Variants in ALPK2 observed in about 807,000 individuals in gnomAD.
ALPK2 encodes alpha-protein kinase 2.
A neutral mutation model predicts 163.1 loss-of-function variants in ALPK2; 127 were observed. The ratio of observed to expected loss-of-function variants is 0.78; its 90% CI spans 0.67 to 0.90. ALPK2 has a LOEUF of 0.90. Among genes scored for constraint, ALPK2 ranks in the 40% least tolerant of loss-of-function variants. The probability of loss-of-function intolerance (pLI) is 0.00; values close to 1 mark genes in which losing one functional copy is unlikely to be tolerated. For missense variants in ALPK2, 2,360 were observed against 2,589.6 expected, an observed-to-expected ratio of 0.91 and a Z score of 1.92; for synonymous variants, 953 against 959.1, an observed-to-expected ratio of 0.99 and a Z score of 0.12.
chr18:58,601,174 T>C (rs2052067564), intron 3 of ALPK2, among the ~76,000 whole-genome samples: 1 of 151,996 alleles, frequency 6.6e-6, no homozygotes, highest in Non-Finnish European at 1.5e-5. Flanking sequence ...GAAAATTGCT[T>C]GAACCTGGGA....
intron 4 of ALPK2, among the ~76,000 whole-genome samples, chr18:58,547,339 T>C (rs191688200): frequency 6.6e-6 from 1 of 152,292 alleles, no homozygotes; most frequent in East Asian, 1.9e-4. Context: ...CGATTGAAGA[T>C]TGAGCCAGTG....
chr18:58,584,533 G>A (rs1045067931), intron 3 of ALPK2, among the ~76,000 whole-genome samples: 10 of 152,242 alleles, frequency 6.6e-5, no homozygotes, highest in Admixed American at 1.3e-4. Flanking sequence ...GAAAGGAAAC[G>A]ACACAGTGTA....
At chr18:58,547,777 C>T (rs1050707215) in intron 4 of ALPK2, among the ~76,000 whole-genome samples, 5 of 152,200 alleles carry the variant, frequency 3.3e-5, no homozygotes, top group African/African-American at 9.7e-5. Flanking sequence ...GTTAAGGGCT[C>T]GTTGAGCCTC....
At position 58,537,961 on chromosome 18, in the gene ALPK2, G is replaced by T. The variant is rs1363290395; in HGVS notation, c.2226C>A (p.Ser742Arg). 3 of 1,614,106 alleles carry T rather than the reference G, an allele frequency of 1.9e-6. No homozygotes were observed. Among genetic ancestry groups the T allele is most frequent in the African/African-American group, 2.7e-5 (2 of 74,936 alleles). The change falls in exon 5 of 13, where the codon AGC becomes AGA. Residue 742 changes from serine to arginine, a missense_variant. Transcript: ENST00000361673. ...TAGTCTCATCATTGGCTTCTGAGAT[G>T]CTCTGCTCATATTTTAGGTCTTCCC... ...NFREDLKYEQ[S>R]ISEANDETMS...
At chr18:58,512,372 TGAG>T (rs1387992190) in intron 10 of ALPK2, 1 of 152,222 alleles carries the variant, frequency 6.6e-6, no homozygotes, top group African/African-American at 2.4e-5. Context: ...GCTGCCCAAA[TGAG>T]GAGTGTTTTA....
chr18:58,611,429 G>A (rs1238133860), intron 2 of ALPK2, among the ~76,000 whole-genome samples: 1 of 152,108 alleles, frequency 6.6e-6, no homozygotes, highest in African/African-American at 2.4e-5. Flanking sequence ...TGGATTATCT[G>A]AAAAAAATAA....
intron 12 of ALPK2, among the ~76,000 whole-genome samples, chr18:58,487,009 AG>A (rs2051342385): frequency 6.6e-6 from 1 of 152,242 alleles, no homozygotes. Flanking sequence ...CTGGAGCTGT[AG>A]GCCATCTCTC....
rs181934513 is a variant in ALPK2 at position 58,543,072 on chromosome 18, G to A, written c.1963-4848C>T. Among the ~76,000 whole-genome samples, 49 of 152,240 alleles carry A rather than the reference G, an allele frequency of 3.2e-4. No individual in the cohort carries two copies. In the East Asian group the frequency reaches 5.2e-3, roughly 16 times the overall value. ...AATTAATGGGCTGAAGGATTGATAC[G>A]TTATCAAGGGAGGGGACCTGGAGGC... On this transcript the variant is annotated intron_variant, in intron 4 of 12. Coordinates refer to ENST00000361673, the MANE Select transcript of ALPK2 (RefSeq NM_052947.4).
At chr18:58,611,161 C>T (rs1474318712) in intron 2 of ALPK2, among the ~76,000 whole-genome samples, 1 of 150,432 alleles carries the variant, frequency 6.6e-6, no homozygotes, top group Non-Finnish European at 1.5e-5. Flanking sequence ...GCCTCTATTC[C>T]CAGCTACTCG....
intron 4 of ALPK2, among the ~76,000 whole-genome samples, chr18:58,538,739 T>C (rs2051672190): frequency 6.6e-6 from 1 of 152,194 alleles, no homozygotes; most frequent in South Asian, 2.1e-4. Flanking sequence ...TGAAATTTGA[T>C]CCTCAGGGTT....
At chr18:58,520,891 C>A (rs963399531) in intron 8 of ALPK2, among the ~76,000 whole-genome samples, 16 of 152,122 alleles carry the variant, frequency 1.1e-4, no homozygotes, top group African/African-American at 3.9e-4. Flanking sequence ...TGGTGAGCAC[C>A]TGCAGTCCAG....
intron 12 of ALPK2, among the ~76,000 whole-genome samples, chr18:58,497,083 T>G (rs1382097042): frequency 1.3e-5 from 2 of 152,256 alleles, no homozygotes; most frequent in African/African-American, 4.8e-5. Flanking sequence ...CCTCACTTCC[T>G]CTGCCTCCCA....
chr18:58,607,321 C>T lies in ALPK2; in HGVS notation c.227+1G>A, dbSNP rs369837062. On this transcript the variant is annotated splice_donor_variant, in intron 3 of 12. Transcript: ENST00000361673. LOFTEE classifies it high-confidence loss of function. Reference sequence around the variant, plus strand: ...CAGTCCACAGGGGTATAGCCACTTACCAAGAGAGATGTAACACATGAATAT... The same window carrying T: ...CAGTCCACAGGGGTATAGCCACTTATCAAGAGAGATGTAACACATGAATAT... The T allele has an allele frequency of 1.1e-4, 173 of 1,602,712 alleles. No homozygotes were observed. The highest frequency in any genetic ancestry group is 1.0e-4 in the Admixed American group (6 of 59,130).
chr18:58,508,638 C>CT (rs1408783172), intron 10 of ALPK2, among the ~76,000 whole-genome samples: 2 of 152,200 alleles, frequency 1.3e-5, no homozygotes, highest in Non-Finnish European at 2.9e-5. Flanking sequence ...AGGAAGTTGC[C>CT]TATTTATATG....
At chr18:58,508,438 G>T (rs754562571) in intron 10 of ALPK2, among the ~76,000 whole-genome samples, 6 of 152,144 alleles carry the variant, frequency 3.9e-5, no homozygotes. Flanking sequence ...GAGATAGGAG[G>T]TTAGCACAGG....
At chr18:58,608,995 G>A (rs1294761201) in intron 2 of ALPK2, among the ~76,000 whole-genome samples, 2 of 151,668 alleles carry the variant, frequency 1.3e-5, no homozygotes, top group Non-Finnish European at 2.9e-5. Context: ...AGAAAAAACG[G>A]AACTCCATAG....
intron 11 of ALPK2, 124 bp downstream of exon 11, chr18:58,503,807 C>T: frequency 1.3e-6 from 1 of 788,118 alleles, no homozygotes. Flanking sequence ...ACAGCTTCTG[C>T]AGGTAAAGGT....
At position 58,539,098 on chromosome 18, in the gene ALPK2, T is replaced by C. The variant is rs1255285571; in HGVS notation, c.1963-874A>G. On this transcript the variant is annotated intron_variant, in intron 4 of 12. Coordinates refer to ENST00000361673, the MANE Select transcript of ALPK2 (RefSeq NM_052947.4). ...TCTCAGGTATTCTGTTATAGCAACA[T>C]GAAGTGCACTAAGATAACAATGTTA... Among the ~76,000 whole-genome samples, 4 of 152,240 alleles carry C rather than the reference T, an allele frequency of 2.6e-5. No individual in the cohort carries two copies. In the South Asian group the frequency reaches 8.3e-4, roughly 32 times the overall value.
At chr18:58,614,213 A>G (rs2052151814) in intron 1 of ALPK2, among the ~76,000 whole-genome samples, 1 of 152,210 alleles carries the variant, frequency 6.6e-6, no homozygotes, top group Admixed American at 6.5e-5. Context: ...TGTGGGGCAG[A>G]ACACATGAGA....
Sources: gnomAD v4.1 joint callset for allele counts (sites outside exome capture counted in the v4.1 genomes callset) on GRCh38, gnomAD v4.1.1 for gene constraint, MANE v1.5 for transcripts, NCBI Gene and HGNC (gene_info 2026-07-23, HGNC 2026-07-21) for gene names.